CCNT2: variants seen among roughly 807,000 people sequenced by gnomAD.
CCNT2 encodes cyclin T2.
CCNT2 carries 18 observed loss-of-function variants against 70.0 expected under a neutral mutation model. The ratio of observed to expected loss-of-function variants is 0.26; its 90% confidence interval spans 0.18 to 0.38. The LOEUF (loss-of-function observed/expected upper bound fraction) is 0.38, where lower values mean the gene tolerates loss of function less well. Ranked by LOEUF, CCNT2 falls within the 10% of genes least tolerant of loss-of-function variation. The pLI is 1.00. For missense variants in CCNT2, 734 were observed against 890.2 expected (o/e 0.82, Z 2.23); for synonymous variants, 334 against 313.3 (o/e 1.07, Z -0.70).
chr2:134,929,911 A>G (rs937183015), intron 2 of CCNT2, among the ~76,000 whole-genome samples: 2 of 151,672 alleles, frequency 1.3e-5, no homozygotes, highest in African/African-American at 4.8e-5. Flanking sequence ...TTGGCCTCCC[A>G]AAGTGCTGGG....
In CCNT2 at chr2:134,954,581, A is replaced by AT; in HGVS notation, c.2127dup (p.Met710TyrfsTer48). ...CACGAGTACAGTACAAGCAGCCAGC[A>AT]TATGGACTACAAAGACACATTCGAC... is the stretch of plus-strand genomic sequence containing the variant. On this transcript the variant is annotated frameshift_variant, in exon 9 of 9. Transcript: ENST00000264157. LOFTEE classifies it high-confidence loss of function. The AT allele has an allele frequency of 6.2e-7, 1 of 1,614,156 alleles. No homozygotes were observed. Among genetic ancestry groups the AT allele is most frequent in the Non-Finnish European group, 8.5e-7 (1 of 1,179,970 alleles).
At chr2:134,937,282 G>A (rs1681227846) in intron 3 of CCNT2, among the ~76,000 whole-genome samples, 1 of 152,174 alleles carries the variant, frequency 6.6e-6, no homozygotes, top group South Asian at 2.1e-4. Context: ...ACCTCCGCTG[G>A]AAGCTGTATT....
intron 5 of CCNT2, chr2:134,943,880 T>C (rs1200421632): frequency 5.1e-6 from 5 of 977,850 alleles, no homozygotes; most frequent in African/African-American, 3.5e-5. Flanking sequence ...TTTTTTTAGA[T>C]TTATCCTAAA....
In CCNT2 at chr2:134,954,308, G is replaced by A. The variant is rs1195975374; in HGVS notation, c.1853G>A (p.Arg618Lys). 6.2e-7 allele frequency: 1 copy of A among 1,614,112 alleles called. No homozygotes were observed. The highest frequency in any genetic ancestry group is 8.5e-7 in the Non-Finnish European group (1 of 1,179,954). ...DGISSSSSSS[R>K]KRLHVNDASH... ...ATTTCCTCTAGCTCCAGCTCTTCAA[G>A]GAAGAGGCTGCATGTCAATGATGCA... Residue 618 changes from arginine to lysine, a missense_variant, in exon 9 of 9, where the codon AGG (arginine) becomes AAG (lysine). Coordinates refer to ENST00000264157, the MANE Select transcript of CCNT2 (RefSeq NM_058241.3).
intron 2 of CCNT2, among the ~76,000 whole-genome samples, chr2:134,923,804 G>A (rs1321313738): frequency 2.0e-5 from 3 of 152,186 alleles, no homozygotes; most frequent in Non-Finnish European, 4.4e-5. Context: ...TTGAACCCAA[G>A]TCCTTTGCTT....
chr2:134,950,007 G>A (rs1682344063), intron 7 of CCNT2, among the ~76,000 whole-genome samples: 1 of 152,124 alleles, frequency 6.6e-6, no homozygotes, highest in East Asian at 1.9e-4. Context: ...TGTTGGCCAG[G>A]CTGGTCTTGA....
chr2:134,939,628 G>C (rs1681420134), intron 4 of CCNT2, among the ~76,000 whole-genome samples: 1 of 151,966 alleles, frequency 6.6e-6, no homozygotes, highest in African/African-American at 2.4e-5. Flanking sequence ...GCCACACCTG[G>C]TTATTTTTTT....
At position 134,954,508 on chromosome 2, in the gene CCNT2, G is replaced by C; in HGVS notation, c.2053G>C (p.Val685Leu). ...QVGYGHLSTL[V>L]KLDKKPVETN... ...GGGCTACGGACATCTCAGCACCCTC[G>C]TGAAACTGGACAAGAAGCCAGTGGA... The change falls in exon 9 of 9, where the codon GTG (valine) becomes CTG (leucine). Residue 685 changes from valine (V) to leucine (L), a missense_variant. This residue lies in a region of CCNT2 where 532 missense variants were observed against 556.9 expected (regional missense o/e 0.96). Transcript: ENST00000264157. The C allele has an allele frequency of 6.2e-7, 1 of 1,614,070 alleles. No individual in the cohort carries two copies. Among genetic ancestry groups the C allele is most frequent in the South Asian group, 1.1e-5 (1 of 91,076 alleles).
chr2:134,919,939 T>G, intron 2 of CCNT2, 48 bp downstream of exon 2: 1 of 1,323,118 alleles, frequency 7.6e-7, no homozygotes, highest in Non-Finnish European at 1.1e-6. Flanking sequence ...TGAGGGTAAA[T>G]CGATACGCAG....
intron 2 of CCNT2, 126 bp downstream of exon 2, chr2:134,920,017 TAA>T: frequency 1.7e-6 from 1 of 596,676 alleles, no homozygotes; most frequent in Non-Finnish European, 2.9e-6. Flanking sequence ...TATCACGTGA[TAA>T]ATATTTTGCT....
rs960572598 is a variant in CCNT2 at position 134,936,274 on chromosome 2, A to G, written c.241-567A>G. On this transcript the variant is annotated intron_variant, in intron 2 of 8. Transcript: ENST00000264157. ...CATTTTTAGTATGTTCAGTCAACTT[A>G]CTTAGTATGTCTTTTCCCTTTTCCC... is the stretch of plus-strand genomic sequence containing the variant. Among the ~76,000 whole-genome samples, 9 of 151,636 alleles carry G rather than the reference A, an allele frequency of 5.9e-5. No individual in the cohort carries two copies. In the East Asian group the frequency reaches 7.8e-4, roughly 13 times the overall value.
At chr2:134,950,022 C>T (rs1055797929) in intron 7 of CCNT2, among the ~76,000 whole-genome samples, 2 of 152,166 alleles carry the variant, frequency 1.3e-5, no homozygotes, top group African/African-American at 4.8e-5. Context: ...TCTTGAACTC[C>T]TGACCTCATG....
At chr2:134,936,795 G>T (rs771119039) in intron 2 of CCNT2, 46 bp from the exon 3 acceptor site, 2 of 1,526,366 alleles carry the variant, frequency 1.3e-6, no homozygotes, top group South Asian at 1.2e-5. Context: ...AGGGTTTTTT[G>T]AAATGTATTT....
chr2:134,937,241 G>C (rs1055430414), intron 3 of CCNT2, among the ~76,000 whole-genome samples: 1 of 152,200 alleles, frequency 6.6e-6, no homozygotes, highest in Non-Finnish European at 1.5e-5. Context: ...GTTGTTCAGA[G>C]TTATGATATA....
chr2:134,941,867 A>C (rs1006575143), intron 4 of CCNT2, among the ~76,000 whole-genome samples: 1 of 152,160 alleles, frequency 6.6e-6, no homozygotes, highest in Non-Finnish European at 1.5e-5. Context: ...CTGCATATTT[A>C]ATTACAGTAG....
chr2:134,950,634 T>G (rs865899053), intron 7 of CCNT2, among the ~76,000 whole-genome samples: 16 of 151,724 alleles, frequency 1.1e-4, no homozygotes, highest in Non-Finnish European at 1.9e-4. Context: ...AAACCCTGTC[T>G]GGGGGGAAAA....
intron 4 of CCNT2, 43 bp downstream of exon 4, chr2:134,939,105 C>A: frequency 8.6e-7 from 1 of 1,163,954 alleles, no homozygotes; most frequent in Non-Finnish European, 1.3e-6. Context: ...GTGTATTTCA[C>A]TAAAGCATTC....
At chr2:134,932,866 T>C (rs1042099235) in intron 2 of CCNT2, among the ~76,000 whole-genome samples, 2 of 152,278 alleles carry the variant, frequency 1.3e-5, no homozygotes, top group African/African-American at 4.8e-5. Flanking sequence ...ACCTTCTTTC[T>C]ATAAGCCTGT....
intron 7 of CCNT2, among the ~76,000 whole-genome samples, chr2:134,949,585 T>A (rs1682281633): frequency 6.6e-6 from 1 of 152,202 alleles, no homozygotes; most frequent in Non-Finnish European, 1.5e-5. Flanking sequence ...ATATATCTCA[T>A]GCTGTATTAT....
Sources: allele counts gnomAD v4.1 joint callset (sites outside exome capture counted in the v4.1 genomes callset), GRCh38; gene constraint gnomAD v4.1.1; regional missense constraint gnomAD v4.1.1; transcripts MANE v1.5; gene names NCBI Gene and HGNC (gene_info 2026-07-23, HGNC 2026-07-21).